ADAMTSL1: variants seen among roughly 807,000 people sequenced by gnomAD.
ADAMTSL1 encodes the protein ADAMTS-like protein 1.
Under a neutral mutation model 201.8 loss-of-function variants are expected in ADAMTSL1, and 126 were observed. The ratio of observed to expected loss-of-function variants is 0.62; its 90% CI spans 0.54 to 0.72. ADAMTSL1 has a LOEUF of 0.72. ADAMTSL1 is among the 30% of genes least tolerant of loss of function. The pLI is 0.00. For missense variants in ADAMTSL1, 2,679 were observed against 2,277.8 expected, an observed-to-expected ratio of 1.18 and a Z score of -3.59; for synonymous variants, 1,121 against 903.4, an observed-to-expected ratio of 1.24 and a Z score of -4.32.
intron 2 of ADAMTSL1, among the ~76,000 whole-genome samples, chr9:18,227,512 A>G (rs1166607617): frequency 6.6e-6 from 1 of 152,196 alleles, no homozygotes; most frequent in East Asian, 1.9e-4. Flanking sequence ...TACCTTAGAA[A>G]CAAGCTGTGT....
chr9:18,742,624 A>G (rs1818902671), intron 15 of ADAMTSL1, among the ~76,000 whole-genome samples: 1 of 152,226 alleles, frequency 6.6e-6, no homozygotes, highest in African/African-American at 2.4e-5. Flanking sequence ...ATCTTGAGGT[A>G]GGAACATGAA....
intron 21 of ADAMTSL1, among the ~76,000 whole-genome samples, chr9:18,825,771 G>T (rs904017101): frequency 7.0e-6 from 1 of 143,860 alleles, no homozygotes; most frequent in Non-Finnish European, 1.5e-5. Flanking sequence ...ATGTTACCAG[G>T]TTTTTTTTTT....
chr9:18,638,954 A>G (rs368977781), intron 6 of ADAMTSL1, among the ~76,000 whole-genome samples: 5 of 152,112 alleles, frequency 3.3e-5, no homozygotes, highest in East Asian at 3.9e-4. Context: ...AGTCAAAGGA[A>G]TAGGGTTGCA....
chr9:18,603,261 T>C (rs923748078), intron 4 of ADAMTSL1, among the ~76,000 whole-genome samples: 2 of 152,152 alleles, frequency 1.3e-5, no homozygotes, highest in Non-Finnish European at 2.9e-5. Flanking sequence ...CCTAGAAAGA[T>C]GAGGTGACTT....
intron 19 of ADAMTSL1, among the ~76,000 whole-genome samples, chr9:18,792,640 T>G (rs1822132245): frequency 6.6e-6 from 1 of 152,232 alleles, no homozygotes; most frequent in African/African-American, 2.4e-5. Flanking sequence ...CTTTCATTAT[T>G]ATTTAGAATT....
intron 1 of ADAMTSL1, among the ~76,000 whole-genome samples, chr9:18,163,036 A>T (rs1175649333): frequency 6.6e-6 from 1 of 152,046 alleles, no homozygotes; most frequent in Admixed American, 6.6e-5. Context: ...GAGAGGCAGG[A>T]GGAGGCCTGG....
chr9:18,375,706 G>C (rs1199111773), intron 2 of ADAMTSL1, among the ~76,000 whole-genome samples: 1 of 152,236 alleles, frequency 6.6e-6, no homozygotes, highest in African/African-American at 2.4e-5. Context: ...GTTTATTGTG[G>C]AGAGTGAAAG....
intron 13 of ADAMTSL1, among the ~76,000 whole-genome samples, chr9:18,702,998 G>C (rs1005623046): frequency 6.6e-5 from 10 of 152,136 alleles, no homozygotes; most frequent in African/African-American, 2.4e-4. Context: ...CTGACCTCAG[G>C]TGATCTGCCT....
chr9:17,946,841 A>G (rs1827507196), intron 1 of ADAMTSL1, among the ~76,000 whole-genome samples: 1 of 152,156 alleles, frequency 6.6e-6, no homozygotes, highest in Non-Finnish European at 1.5e-5. Flanking sequence ...TTGAAAACTT[A>G]AGTGTTTTGG....
intron 23 of ADAMTSL1, among the ~76,000 whole-genome samples, chr9:18,836,584 C>G (rs565487881): frequency 6.6e-6 from 1 of 152,148 alleles, no homozygotes; most frequent in African/African-American, 2.4e-5. Flanking sequence ...TATTCAGGCT[C>G]TTTTTTGGTT....
At chr9:18,581,113 C>T (rs1389901644) in intron 4 of ADAMTSL1, among the ~76,000 whole-genome samples, 3 of 152,112 alleles carry the variant, frequency 2.0e-5, no homozygotes, top group Non-Finnish European at 4.4e-5. Context: ...TGGGTGGAAT[C>T]CTTTGCCTCT....
intron 1 of ADAMTSL1, among the ~76,000 whole-genome samples, chr9:18,004,533 T>C (rs1586882585): frequency 1.3e-5 from 2 of 152,090 alleles, no homozygotes; most frequent in Admixed American, 1.3e-4. Flanking sequence ...CAGAGGTAAA[T>C]TGCATGTGTG....
At chr9:18,757,586 C>G (rs899827383) in intron 16 of ADAMTSL1, among the ~76,000 whole-genome samples, 3 of 152,076 alleles carry the variant, frequency 2.0e-5, no homozygotes, top group African/African-American at 7.2e-5. Context: ...TGTATACTCC[C>G]CTGCCCGCCT....
intron 1 of ADAMTSL1, among the ~76,000 whole-genome samples, chr9:17,927,920 G>T (rs185517104): frequency 6.1e-4 from 92 of 151,824 alleles, no homozygotes; most frequent in Non-Finnish European, 1.6e-4. Context: ...TTTGGCTGTT[G>T]TGAATAATGT....
At chr9:18,859,845 A>T (rs1265896430) in intron 23 of ADAMTSL1, among the ~76,000 whole-genome samples, 4 of 151,294 alleles carry the variant, frequency 2.6e-5, no homozygotes, top group African/African-American at 7.3e-5. Context: ...TTTTTTTTTT[A>T]TTTCAATATC....
intron 2 of ADAMTSL1, among the ~76,000 whole-genome samples, chr9:18,508,270 C>G (rs1817803168): frequency 6.6e-6 from 1 of 152,100 alleles, no homozygotes. Flanking sequence ...TTGTGTGTCC[C>G]TGGCTTTCTC....
chr9:18,758,174 G>A (rs1433355895), intron 16 of ADAMTSL1, among the ~76,000 whole-genome samples: 2 of 152,186 alleles, frequency 1.3e-5, no homozygotes, highest in Non-Finnish European at 2.9e-5. Context: ...AAATGTGAAA[G>A]GGGCCCTGTG....
chr9:18,416,193 G>T (rs987965602), intron 2 of ADAMTSL1, among the ~76,000 whole-genome samples: 1 of 151,942 alleles, frequency 6.6e-6, no homozygotes, highest in Admixed American at 6.6e-5. Flanking sequence ...AATGATAATC[G>T]ACATTTAAAC....
intron 26 of ADAMTSL1, among the ~76,000 whole-genome samples, chr9:18,893,714 G>A (rs149118300): frequency 2.6e-5 from 4 of 152,244 alleles, no homozygotes; most frequent in African/African-American, 7.2e-5. Flanking sequence ...TGATAATATT[G>A]CTGATATTGT....
Sources: allele counts gnomAD v4.1 joint callset (sites outside exome capture counted in the v4.1 genomes callset), GRCh38; gene constraint gnomAD v4.1.1; transcripts MANE v1.5; gene names NCBI Gene and HGNC (gene_info 2026-07-23, HGNC 2026-07-21).